The following CA10 variants were observed in gnomAD, a reference collection of about 807,000 sequenced individuals.
CA10 encodes carbonic anhydrase-related protein 10.
CA10 carries 14 observed loss-of-function variants against 44.2 expected under a neutral mutation model. The ratio of observed to expected loss-of-function variants is 0.32; its 90% confidence interval spans 0.21 to 0.50. The LOEUF is 0.50. Among genes scored for constraint, CA10 ranks in the 20% least tolerant of loss-of-function variants. CA10 has a pLI of 0.99. For synonymous variants in CA10, 159 were observed against 141.6 expected (o/e 1.12, Z -0.87); for missense variants, 350 against 409.7 (o/e 0.85, Z 1.26).
At chr17:51,793,207 G>A (rs1906587079) in intron 3 of CA10, among the ~76,000 whole-genome samples, 1 of 152,164 alleles carries the variant, frequency 6.6e-6, no homozygotes, top group Non-Finnish European at 1.5e-5. Context: ...TGGGGTGGAG[G>A]GGAATGGGGA....
At position 52,152,992 on chromosome 17, in the gene CA10, C is replaced by T. The variant is rs192811173; in HGVS notation, c.61+4734G>A. On this transcript the variant is annotated intron_variant, in intron 1 of 8. Coordinates refer to ENST00000451037, the MANE Select transcript of CA10 (RefSeq NM_020178.5). ...CTTTCTATAATGGCTTGCTATCATACACATTTATGATACCTAGATCTCTTT... is the reference window on the plus strand; with the variant it reads ...CTTTCTATAATGGCTTGCTATCATATACATTTATGATACCTAGATCTCTTT... Among the ~76,000 whole-genome samples, 701 of 152,220 alleles carry T rather than the reference C, an allele frequency of 4.6e-3. 3 individuals carry two copies. Among genetic ancestry groups the T allele is most frequent in the Non-Finnish European group, 6.7e-3 (453 of 67,964 alleles).
chr17:51,917,744 G>A (rs1982062160), intron 3 of CA10, among the ~76,000 whole-genome samples: 1 of 152,094 alleles, frequency 6.6e-6, no homozygotes, highest in Non-Finnish European at 1.5e-5. Context: ...ACCATTCATG[G>A]GAAATCCACC....
At chr17:51,779,335 T>C (rs1307660532) in intron 3 of CA10, among the ~76,000 whole-genome samples, 1 of 152,158 alleles carries the variant, frequency 6.6e-6, no homozygotes, top group Non-Finnish European at 1.5e-5. Flanking sequence ...ATTTCATCAT[T>C]CTTCCCCCTA....
intron 2 of CA10, among the ~76,000 whole-genome samples, chr17:52,029,113 AATG>A (rs930493971): frequency 6.6e-6 from 1 of 152,174 alleles, no homozygotes; most frequent in Admixed American, 6.5e-5. Flanking sequence ...TTCAGTTTTA[AATG>A]ATAAGTTAAT....
chr17:51,834,509 AC>A (rs1908403084), intron 3 of CA10, among the ~76,000 whole-genome samples: 1 of 152,224 alleles, frequency 6.6e-6, no homozygotes, highest in African/African-American at 2.4e-5. Context: ...AAATCGAGCC[AC>A]TAATGTTCCA....
intron 1 of CA10, among the ~76,000 whole-genome samples, chr17:52,138,200 C>T (rs1598235003): frequency 6.6e-6 from 1 of 152,150 alleles, no homozygotes; most frequent in Admixed American, 6.5e-5. Context: ...CTCTTCAAAG[C>T]ACATCAATCC....
chr17:52,027,315 C>T (rs150248866), intron 2 of CA10, among the ~76,000 whole-genome samples: 4 of 152,076 alleles, frequency 2.6e-5, no homozygotes, highest in Non-Finnish European at 5.9e-5. Flanking sequence ...CTGCTCACTT[C>T]CTGCTGTGCG....
intron 3 of CA10, among the ~76,000 whole-genome samples, chr17:51,906,414 G>A (rs929283893): frequency 6.6e-6 from 1 of 151,990 alleles, no homozygotes; most frequent in African/African-American, 2.4e-5. Context: ...CTTTCTGGAT[G>A]TCCCTCCTTT....
At chr17:51,911,803 T>C (rs1488310555) in intron 3 of CA10, among the ~76,000 whole-genome samples, 1 of 152,298 alleles carries the variant, frequency 6.6e-6, no homozygotes, top group Non-Finnish European at 1.5e-5. Flanking sequence ...TTTCTGGATA[T>C]TCTTCAACCT....
rs55854155 is a variant in CA10 at position 51,710,921 on chromosome 17, C to CTT, written c.465+36710_465+36711dup. Among the ~76,000 whole-genome samples, 283 of 84,448 alleles carry CTT rather than the reference C, an allele frequency of 3.4e-3. 4 individuals are homozygous for CTT. The highest frequency in any genetic ancestry group is 5.4e-3 in the African/African-American group (115 of 21,220). The allele number at this position is 84,448 out of a possible 152,430, so 55.4% of individuals were successfully genotyped here. A position where few individuals can be genotyped will look rare whatever the true frequency, so the allele number is the denominator to read the frequency against. ...ATGCCAAAGACTGAACAACATTTTG[C>CTT]TTTTTTTTTTTTTTTTTTTTTTTGC... On this transcript the variant is annotated intron_variant, in intron 4 of 8. Coordinates refer to ENST00000451037, the MANE Select transcript of CA10 (RefSeq NM_020178.5).
rs530903655 is a variant in CA10, at chr17:51,703,060, G to C, written c.465+44573C>G. 7.6e-4 allele frequency among the ~76,000 whole-genome samples: 116 copies of C among 152,258 alleles called. 1 individual carries two copies. The highest frequency in any genetic ancestry group is 1.5e-3 in the Non-Finnish European group (99 of 68,026). On this transcript the variant is annotated intron_variant, in intron 4 of 8. Transcript: ENST00000451037. ...ATCACTGTGCCCGTTTAGCAGAGAA[G>C]GAGACTGAAGCTCAGGGAGGTTAAG...
At chr17:52,069,661 C>G (rs1480677951) in intron 2 of CA10, among the ~76,000 whole-genome samples, 1 of 152,004 alleles carries the variant, frequency 6.6e-6, no homozygotes, top group Non-Finnish European at 1.5e-5. Context: ...ACCGCCCAAA[C>G]TTGGTGCTCA....
intron 3 of CA10, among the ~76,000 whole-genome samples, chr17:51,836,226 A>C (rs1009125630): frequency 6.6e-6 from 1 of 152,344 alleles, no homozygotes; most frequent in East Asian, 1.9e-4. Flanking sequence ...AAAGCAAGGC[A>C]TCCTGTCTAT....
chr17:51,822,782 G>T (rs2143767195), intron 3 of CA10, among the ~76,000 whole-genome samples: 1 of 152,292 alleles, frequency 6.6e-6, no homozygotes, highest in East Asian at 1.9e-4. Context: ...AGAATTGAAA[G>T]GTGTTAGGCA....
At chr17:51,872,314 C>G (rs1979856003) in intron 3 of CA10, among the ~76,000 whole-genome samples, 1 of 152,120 alleles carries the variant, frequency 6.6e-6, no homozygotes. Flanking sequence ...TGATAAGGGC[C>G]TCTCCCAGCA....
intron 3 of CA10, among the ~76,000 whole-genome samples, chr17:51,922,207 A>G (rs1167095434): frequency 6.6e-6 from 1 of 152,204 alleles, no homozygotes; most frequent in Admixed American, 6.5e-5. Context: ...ACAAATGAGG[A>G]AACTGAAGCT....
chr17:51,923,571 G>A (rs1425041430), intron 3 of CA10, among the ~76,000 whole-genome samples: 1 of 152,094 alleles, frequency 6.6e-6, no homozygotes, highest in Non-Finnish European at 1.5e-5. Context: ...GAACATAAAA[G>A]CCTCAAACAT....
intron 1 of CA10, among the ~76,000 whole-genome samples, chr17:52,112,260 C>T (rs1988803329): frequency 6.6e-6 from 1 of 151,842 alleles, no homozygotes; most frequent in Admixed American, 6.6e-5. Flanking sequence ...TTAATACATC[C>T]ACTTTAATGG....
At chr17:52,042,730 A>G (rs1424374430) in intron 2 of CA10, among the ~76,000 whole-genome samples, 1 of 150,496 alleles carries the variant, frequency 6.6e-6, no homozygotes, top group Non-Finnish European at 1.5e-5. Flanking sequence ...TTAGTTTCAA[A>G]TGTCACATTT....
Sources: allele counts gnomAD v4.1 joint callset (sites outside exome capture counted in the v4.1 genomes callset), GRCh38; gene constraint gnomAD v4.1.1; transcripts MANE v1.5; gene names NCBI Gene and HGNC (gene_info 2026-07-23, HGNC 2026-07-21).